The following CNTN4 variants were observed in gnomAD, a reference collection of about 807,000 sequenced individuals.
CNTN4 encodes contactin-4.
In CNTN4, 77 loss-of-function variants were observed where a neutral mutation model predicts 122.5. That is an observed-to-expected ratio of 0.63 (90% CI 0.52 to 0.76). The LOEUF (loss-of-function observed/expected upper bound fraction) is 0.76, where lower values mean the gene tolerates loss of function less well. Ranked by LOEUF, CNTN4 falls within the 30% of genes least tolerant of loss-of-function variation. CNTN4 has a pLI of 0.00. For missense variants in CNTN4, 1,256 were observed against 1,259.1 expected (o/e 1.00, Z 0.04); for synonymous variants, 512 against 447.0 (o/e 1.15, Z -1.83).
intron 4 of CNTN4, among the ~76,000 whole-genome samples, chr3:2,595,335 T>G (rs973971825): frequency 3.9e-5 from 6 of 152,324 alleles, no homozygotes; most frequent in Middle Eastern, 3.4e-3. Context: ...CATGTATTAA[T>G]AGACTTCAGG....
At chr3:3,021,259 A>G (rs2125595142) in intron 14 of CNTN4, among the ~76,000 whole-genome samples, 1 of 152,326 alleles carries the variant, frequency 6.6e-6, no homozygotes, top group Non-Finnish European at 1.5e-5. Flanking sequence ...CAGAATTGAT[A>G]CAGTTTATCT....
intron 2 of CNTN4, among the ~76,000 whole-genome samples, chr3:2,149,522 T>G (rs2035401666): frequency 6.6e-6 from 1 of 152,192 alleles, no homozygotes; most frequent in Non-Finnish European, 1.5e-5. Flanking sequence ...GAGACCTTCA[T>G]AGTTAGAAAA....
intron 2 of CNTN4, among the ~76,000 whole-genome samples, chr3:2,257,793 G>T (rs1404840122): frequency 1.3e-5 from 2 of 152,040 alleles, no homozygotes; most frequent in Non-Finnish European, 2.9e-5. Flanking sequence ...GCCGTGCATG[G>T]TGGCTCATGC....
At chr3:2,478,804 A>G (rs750594855) in intron 3 of CNTN4, among the ~76,000 whole-genome samples, 8 of 152,140 alleles carry the variant, frequency 5.3e-5, no homozygotes, top group African/African-American at 1.7e-4. Context: ...TGGTGTATAT[A>G]TACCACATTT....
In CNTN4 at chr3:2,621,637, A is replaced by G. The variant is rs148933828; in HGVS notation, c.55+50079A>G. ...GTTCTGCACATGTACCCCAGAACTT[A>G]AAGTATAATAAAAAAATTAAAAATA... On this transcript the variant is annotated intron_variant, in intron 4 of 24. Coordinates refer to ENST00000418658, the MANE Select transcript of CNTN4 (RefSeq NM_175607.3). Among the ~76,000 whole-genome samples the G allele has an allele frequency of 3.7e-3, 563 of 152,278 alleles. 14 individuals carry two copies. In the East Asian group the frequency reaches 0.055, roughly 15 times the overall value.
chr3:2,905,356 C>T (rs1344235304), intron 12 of CNTN4, among the ~76,000 whole-genome samples: 2 of 152,218 alleles, frequency 1.3e-5, no homozygotes, highest in African/African-American at 4.8e-5. Flanking sequence ...GACCAGGGTG[C>T]CAGCATGGCC....
chr3:2,538,955 A>C (rs1489309341), intron 3 of CNTN4, among the ~76,000 whole-genome samples: 1 of 151,892 alleles, frequency 6.6e-6, no homozygotes, highest in African/African-American at 2.4e-5. Context: ...ATCCCCATAC[A>C]ATTTTCCATC....
At chr3:2,488,955 T>C (rs2076238586) in intron 3 of CNTN4, among the ~76,000 whole-genome samples, 1 of 152,196 alleles carries the variant, frequency 6.6e-6, no homozygotes, top group Admixed American at 6.5e-5. Flanking sequence ...GAATGATAAA[T>C]AATACAATAG....
intron 7 of CNTN4, among the ~76,000 whole-genome samples, chr3:2,848,662 A>C (rs2093496564): frequency 6.6e-6 from 1 of 152,246 alleles, no homozygotes; most frequent in Non-Finnish European, 1.5e-5. Context: ...TCTCTCTATC[A>C]TCTCTTGAAT....
intron 3 of CNTN4, among the ~76,000 whole-genome samples, chr3:2,442,927 A>G (rs1446700488): frequency 6.6e-5 from 10 of 152,110 alleles, no homozygotes; most frequent in Non-Finnish European, 1.3e-4. Context: ...AAGCCTTTTG[A>G]TCCTTTTTAA....
intron 3 of CNTN4, among the ~76,000 whole-genome samples, chr3:2,436,686 C>G (rs1452215656): frequency 6.6e-6 from 1 of 151,790 alleles, no homozygotes; most frequent in Non-Finnish European, 1.5e-5. Context: ...TATATTCATT[C>G]TCACTACAGT....
At chr3:2,855,535 C>T (rs971403352) in intron 7 of CNTN4, among the ~76,000 whole-genome samples, 3 of 152,178 alleles carry the variant, frequency 2.0e-5, no homozygotes, top group African/African-American at 7.2e-5. Context: ...GAGATGGAGG[C>T]TTACTTAGTA....
chr3:3,016,292 G>A (rs748744767), intron 14 of CNTN4, among the ~76,000 whole-genome samples: 1 of 152,120 alleles, frequency 6.6e-6, no homozygotes, highest in Non-Finnish European at 1.5e-5. Context: ...GAAAATGTGA[G>A]AGGGCAAATT....
chr3:2,620,079 T>A (rs2081937145), intron 4 of CNTN4, among the ~76,000 whole-genome samples: 1 of 152,214 alleles, frequency 6.6e-6, no homozygotes. Flanking sequence ...AGCCAGTCAT[T>A]CATTTGATTA....
At chr3:2,326,946 G>A (rs551681015) in intron 2 of CNTN4, among the ~76,000 whole-genome samples, 1 of 152,086 alleles carries the variant, frequency 6.6e-6, no homozygotes, top group Non-Finnish European at 1.5e-5. Flanking sequence ...TACCTATAAA[G>A]CTTCCTTGGA....
intron 1 of CNTN4, chr3:2,099,765 C>T (rs977837700): frequency 3.3e-5 from 5 of 152,438 alleles, no homozygotes; most frequent in Middle Eastern, 6.8e-3. Context: ...CCGTCCCCTC[C>T]CCGGGCCCAG....
At chr3:2,164,798 A>G (rs2149198193) in intron 2 of CNTN4, among the ~76,000 whole-genome samples, 1 of 152,316 alleles carries the variant, frequency 6.6e-6, no homozygotes, top group Non-Finnish European at 1.5e-5. Context: ...TGTTTGACGG[A>G]AAAATGTGCG....
intron 4 of CNTN4, among the ~76,000 whole-genome samples, chr3:2,701,183 T>G (rs1206253674): frequency 6.6e-6 from 1 of 152,190 alleles, no homozygotes; most frequent in Non-Finnish European, 1.5e-5. Context: ...TTTCATACCC[T>G]TTGCTTCAGG....
At chr3:2,453,886 A>G (rs1343999079) in intron 3 of CNTN4, among the ~76,000 whole-genome samples, 1 of 152,198 alleles carries the variant, frequency 6.6e-6, no homozygotes, top group Admixed American at 6.6e-5. Context: ...CCAGCAAATC[A>G]TATGAAACTG....
Sources: allele counts gnomAD v4.1 joint callset (sites outside exome capture counted in the v4.1 genomes callset), GRCh38; gene constraint gnomAD v4.1.1; transcripts MANE v1.5; gene names NCBI Gene and HGNC (gene_info 2026-07-23, HGNC 2026-07-21).